Variants in WWOX observed in about 807,000 individuals in gnomAD.
WWOX encodes WW domain-containing oxidoreductase.
Under a neutral mutation model 46.2 loss-of-function variants are expected in WWOX, and 69 were observed. The ratio of observed to expected loss-of-function variants is 1.49; its 90% CI spans 1.23 to 1.82. WWOX has a LOEUF of 1.82. Among genes scored for constraint, WWOX ranks in the 40% most tolerant of loss-of-function variants. The pLI, the probability that WWOX is intolerant of heterozygous loss-of-function variation, is 0.00. For synonymous variants in WWOX, 359 were observed against 202.6 expected (o/e 1.77, Z -6.56); for missense variants, 919 against 542.6 (o/e 1.69, Z -6.89).
At chr16:78,460,972 C>G (rs896732818) in intron 8 of WWOX, among the ~76,000 whole-genome samples, 28 of 148,820 alleles carry the variant, frequency 1.9e-4, no homozygotes, top group African/African-American at 6.9e-4. Flanking sequence ...TTACTAAGTT[C>G]TTGCCACAGG....
At chr16:78,799,924 G>A (rs774774633) in intron 8 of WWOX, among the ~76,000 whole-genome samples, 6 of 152,006 alleles carry the variant, frequency 3.9e-5, no homozygotes, top group Non-Finnish European at 5.9e-5. Flanking sequence ...CCTGAAATAC[G>A]TCCTCCATCT....
intron 8 of WWOX, among the ~76,000 whole-genome samples, chr16:79,090,777 C>G (rs532580224): frequency 1.3e-5 from 2 of 152,258 alleles, no homozygotes; most frequent in South Asian, 2.1e-4. Flanking sequence ...TGGCCATGCC[C>G]TGCCTTGTTG....
intron 5 of WWOX, among the ~76,000 whole-genome samples, chr16:78,242,692 A>T (rs2037694102): frequency 6.6e-6 from 1 of 152,110 alleles, no homozygotes; most frequent in Non-Finnish European, 1.5e-5. Context: ...GACAGGAGAG[A>T]GCGGAAGCAG....
intron 8 of WWOX, among the ~76,000 whole-genome samples, chr16:78,886,639 CAT>C (rs3085495): frequency 0.24 from 34,131 of 144,762 alleles, 4,562 homozygotes; most frequent in Middle Eastern, 0.39. Flanking sequence ...CAAAGAAAAA[CAT>C]ATATATATAT....
intron 8 of WWOX, among the ~76,000 whole-genome samples, chr16:78,813,863 T>G (rs1051216436): frequency 6.6e-6 from 1 of 152,210 alleles, no homozygotes; most frequent in African/African-American, 2.4e-5. Flanking sequence ...TCAGCACATT[T>G]AGCAAGCATG....
At chr16:78,414,694 C>T (rs538297852) in intron 6 of WWOX, among the ~76,000 whole-genome samples, 6 of 152,298 alleles carry the variant, frequency 3.9e-5, no homozygotes, top group African/African-American at 9.6e-5. Flanking sequence ...TGAGGAATAA[C>T]GGCTGGTAAT....
intron 5 of WWOX, among the ~76,000 whole-genome samples, chr16:78,261,776 C>CTA (rs1420854261): frequency 0.018 from 684 of 38,132 alleles, 15 homozygotes; most frequent in East Asian, 0.16. Flanking sequence ...ATCTATGTAT[C>CTA]TATCTATCTA....
chr16:78,596,274 T>C (rs2045487510), intron 8 of WWOX, among the ~76,000 whole-genome samples: 1 of 152,242 alleles, frequency 6.6e-6, no homozygotes, highest in African/African-American at 2.4e-5. Context: ...TTTCATGCAA[T>C]AGAAACGTTT....
intron 4 of WWOX, among the ~76,000 whole-genome samples, chr16:78,129,473 T>TA (rs897938268): frequency 9.9e-5 from 15 of 152,168 alleles, no homozygotes; most frequent in Non-Finnish European, 1.9e-4. Flanking sequence ...TCAGTAAAAA[T>TA]ACAGTGTTGT....
At position 78,510,685 on chromosome 16, in the gene WWOX, T is replaced by A. The variant is rs967068817; in HGVS notation, c.1056+77933T>A. On this transcript the variant is annotated intron_variant, in intron 8 of 8. Coordinates refer to ENST00000566780, the MANE Select transcript of WWOX (RefSeq NM_016373.4). ...GGGATTTACAATAAAGAATGTTGTT[T>A]ATTTTTATTTGTAAATTGTGTGCTA... Among the ~76,000 whole-genome samples the A allele has an allele frequency of 2.6e-5, 4 of 152,372 alleles. No homozygotes were observed. In the East Asian group the frequency reaches 7.7e-4, roughly 29 times the overall value.
chr16:78,723,225 C>T (rs1382822584), intron 8 of WWOX, among the ~76,000 whole-genome samples: 2 of 152,122 alleles, frequency 1.3e-5, no homozygotes, highest in South Asian at 2.1e-4. Flanking sequence ...TTATTTTCTT[C>T]TTTATATTAT....
rs142711783 is a variant in WWOX, at chr16:79,087,412, G to A, written c.1057-124196G>A. 6.6e-3 allele frequency among the ~76,000 whole-genome samples: 1,011 copies of A among 152,336 alleles called. 2 individuals carry two copies. The highest frequency in any genetic ancestry group is 0.016 in the South Asian group (77 of 4,830). On this transcript the variant is annotated intron_variant, in intron 8 of 8. Coordinates refer to ENST00000566780, the MANE Select transcript of WWOX (RefSeq NM_016373.4). ...TATCTCCGTAGACACCACTGTGTTTGAGAGTCACATTGGGTGGTTTGTAGG... is the reference window on the plus strand; with the variant it reads ...TATCTCCGTAGACACCACTGTGTTTAAGAGTCACATTGGGTGGTTTGTAGG...
At chr16:79,190,977 A>G (rs1248367197) in intron 8 of WWOX, among the ~76,000 whole-genome samples, 3 of 152,244 alleles carry the variant, frequency 2.0e-5, no homozygotes, top group South Asian at 4.1e-4. Context: ...AAATAAAATC[A>G]TGTATCAAAG....
At chr16:79,186,940 T>A (rs767749052) in intron 8 of WWOX, among the ~76,000 whole-genome samples, 2 of 152,134 alleles carry the variant, frequency 1.3e-5, no homozygotes, top group Non-Finnish European at 2.9e-5. Flanking sequence ...AAAGTAGACA[T>A]GTGGAGTGAC....
chr16:78,565,468 T>A (rs2044542224), intron 8 of WWOX, among the ~76,000 whole-genome samples: 2 of 152,178 alleles, frequency 1.3e-5, no homozygotes, highest in African/African-American at 4.8e-5. Flanking sequence ...CACATCTCCT[T>A]TACTGATTCC....
chr16:78,322,812 C>T (rs938765082), intron 5 of WWOX, among the ~76,000 whole-genome samples: 7 of 152,102 alleles, frequency 4.6e-5, no homozygotes, highest in South Asian at 4.1e-4. Context: ...CAGCCATGGA[C>T]GCTACGTAAG....
At chr16:78,280,460 T>G (rs897387290) in intron 5 of WWOX, among the ~76,000 whole-genome samples, 13 of 152,230 alleles carry the variant, frequency 8.5e-5, no homozygotes, top group African/African-American at 3.1e-4. Flanking sequence ...TATTAGGCTG[T>G]TCTTGCACTG....
intron 4 of WWOX, among the ~76,000 whole-genome samples, chr16:78,134,413 G>T (rs1482216090): frequency 6.6e-6 from 1 of 151,734 alleles, no homozygotes; most frequent in African/African-American, 2.4e-5. Flanking sequence ...AAGTCTTTTT[G>T]GGAACCGTTG....
At chr16:78,104,271 C>CACAT (rs3039600) in intron 1 of WWOX, among the ~76,000 whole-genome samples, 1 of 149,538 alleles carries the variant, frequency 6.7e-6, no homozygotes, top group Non-Finnish European at 1.5e-5. Context: ...CACACACACA[C>CACAT]TGGCTGTCCT....
Sources: gnomAD v4.1 joint callset for allele counts (sites outside exome capture counted in the v4.1 genomes callset) on GRCh38, gnomAD v4.1.1 for gene constraint, MANE v1.5 for transcripts, NCBI Gene and HGNC (gene_info 2026-07-23, HGNC 2026-07-21) for gene names.